Variants in SPAG16 observed in about 807,000 individuals in gnomAD.
SPAG16 encodes sperm-associated antigen 16 protein.
SPAG16 carries 86 observed loss-of-function variants against 80.4 expected under a neutral mutation model. The observed-to-expected ratio is 1.07, with a 90% CI of 0.90 to 1.28. SPAG16 has a LOEUF of 1.28. SPAG16 is among the 50% of genes most tolerant of loss of function. The pLI is 0.00. For missense variants in SPAG16, 870 were observed against 765.3 expected, an observed-to-expected ratio of 1.14 and a Z score of -1.61; for synonymous variants, 294 against 265.9, an observed-to-expected ratio of 1.11 and a Z score of -1.03.
At chr2:214,131,176 A>G (rs546445879) in intron 14 of SPAG16, among the ~76,000 whole-genome samples, 47 of 152,190 alleles carry the variant, frequency 3.1e-4, no homozygotes, top group African/African-American at 9.9e-4. Flanking sequence ...GAGTTTGACA[A>G]CAGTCTGAGA....
intron 4 of SPAG16, among the ~76,000 whole-genome samples, chr2:213,315,045 T>G (rs1420677489): frequency 2.0e-5 from 3 of 151,960 alleles, no homozygotes; most frequent in Admixed American, 2.0e-4. Context: ...ATTATTATGA[T>G]TTATAATATG....
In SPAG16 at chr2:214,165,224, CTAT is replaced by C. The variant is rs375125013; in HGVS notation, c.1720+15962_1720+15964del. ...AAAAGTTTGCATTTTAGGGGGAAAA[CTAT>C]TATATCAGTGAGAATTTTGGAGTAT... On this transcript the variant is annotated intron_variant, in intron 15 of 15. Coordinates refer to ENST00000331683, the MANE Select transcript of SPAG16 (RefSeq NM_024532.5). Among the ~76,000 whole-genome samples, 57 of 152,042 alleles carry C rather than the reference CTAT, an allele frequency of 3.7e-4. No individual in the cohort carries two copies. The East Asian group carries it at 8.5e-3, about 23-fold the overall frequency.
intron 15 of SPAG16, among the ~76,000 whole-genome samples, chr2:214,339,133 A>G (rs1159709525): frequency 6.6e-6 from 1 of 152,236 alleles, no homozygotes; most frequent in African/African-American, 2.4e-5. Flanking sequence ...GTTAGATTTA[A>G]GTAAGGTGCT....
At chr2:213,974,435 A>G (rs921858561) in intron 12 of SPAG16, among the ~76,000 whole-genome samples, 10 of 152,022 alleles carry the variant, frequency 6.6e-5, no homozygotes, top group African/African-American at 2.2e-4. Context: ...TCTAACCATT[A>G]TGACACCTAA....
chr2:213,728,063 G>T (rs1327855546), intron 10 of SPAG16, among the ~76,000 whole-genome samples: 2 of 152,062 alleles, frequency 1.3e-5, no homozygotes, highest in African/African-American at 4.8e-5. Flanking sequence ...TGGTCAGGCT[G>T]GTCTCAAACT....
intron 13 of SPAG16, among the ~76,000 whole-genome samples, chr2:214,028,799 G>A (rs188391755): frequency 6.6e-5 from 10 of 152,070 alleles, no homozygotes; most frequent in Admixed American, 4.6e-4. Context: ...GTGTGTGCAC[G>A]CATGTGTATG....
At chr2:213,763,789 C>T (rs927164352) in intron 10 of SPAG16, among the ~76,000 whole-genome samples, 2 of 152,130 alleles carry the variant, frequency 1.3e-5, no homozygotes, top group South Asian at 2.1e-4. Context: ...TCTGGATGAC[C>T]GTCTTGCTCT....
At chr2:213,841,061 G>A (rs2074339412) in intron 10 of SPAG16, among the ~76,000 whole-genome samples, 1 of 152,106 alleles carries the variant, frequency 6.6e-6, no homozygotes, top group African/African-American at 2.4e-5. Flanking sequence ...TAGGCATATA[G>A]CATTTCTATT....
chr2:213,880,489 C>A (rs1162709879), intron 11 of SPAG16, among the ~76,000 whole-genome samples: 1 of 152,108 alleles, frequency 6.6e-6, no homozygotes, highest in Non-Finnish European at 1.5e-5. Context: ...TTAGGTCTCA[C>A]TTGTCAATTT....
chr2:214,193,782 GAAT>G lies in SPAG16; in HGVS notation c.1720+44519_1720+44521del, dbSNP rs2057745609. Among the ~76,000 whole-genome samples, 4 of 152,108 alleles carry G rather than the reference GAAT, an allele frequency of 2.6e-5. No individual in the cohort carries two copies. In the South Asian group the frequency reaches 8.3e-4, roughly 32 times the overall value. On this transcript the variant is annotated intron_variant, in intron 15 of 15. Transcript: ENST00000331683. ...ACACTTGCTTTGAAAACAAAACAAA[GAAT>G]AAAACCAAGTGAGAAAATGTGGCTA...
At chr2:213,611,829 T>C (rs1353528350) in intron 10 of SPAG16, among the ~76,000 whole-genome samples, 1 of 152,176 alleles carries the variant, frequency 6.6e-6, no homozygotes, top group Non-Finnish European at 1.5e-5. Flanking sequence ...GTTTTACAAT[T>C]GAAACCACAG....
intron 13 of SPAG16, among the ~76,000 whole-genome samples, chr2:214,098,929 T>C (rs1333839174): frequency 6.6e-6 from 1 of 151,846 alleles, no homozygotes; most frequent in Non-Finnish European, 1.5e-5. Context: ...TTTTGCCAGT[T>C]ACAGAAGTAG....
chr2:214,345,122 C>A (rs994259701), intron 15 of SPAG16, among the ~76,000 whole-genome samples: 2 of 152,126 alleles, frequency 1.3e-5, no homozygotes, highest in Non-Finnish European at 2.9e-5. Flanking sequence ...GACTACTGAA[C>A]CCGGTATCCC....
chr2:213,896,584 ACACACACG>A (rs1183032122), intron 11 of SPAG16, among the ~76,000 whole-genome samples: 14 of 73,156 alleles, frequency 1.9e-4, no homozygotes, highest in East Asian at 6.6e-4. Flanking sequence ...ATATATACAC[ACACACACG>A]CACACACACA....
At chr2:214,000,401 G>C (rs900274910) in intron 12 of SPAG16, among the ~76,000 whole-genome samples, 1 of 152,122 alleles carries the variant, frequency 6.6e-6, no homozygotes, top group Non-Finnish European at 1.5e-5. Context: ...GGAACTGTAA[G>C]TCCAATGAAA....
intron 4 of SPAG16, among the ~76,000 whole-genome samples, chr2:213,315,623 C>T (rs1351644939): frequency 6.6e-6 from 1 of 151,926 alleles, no homozygotes; most frequent in Non-Finnish European, 1.5e-5. Flanking sequence ...AAGTTTGTTG[C>T]CACTTCCTCA....
At chr2:214,233,040 CT>C (rs917413301) in intron 15 of SPAG16, among the ~76,000 whole-genome samples, 48 of 152,042 alleles carry the variant, frequency 3.2e-4, no homozygotes, top group Admixed American at 3.0e-3. Flanking sequence ...TCCTATGATT[CT>C]TTTTTATAAA....
intron 5 of SPAG16, among the ~76,000 whole-genome samples, chr2:213,327,742 C>G (rs535391266): frequency 1.3e-5 from 2 of 152,058 alleles, no homozygotes; most frequent in Admixed American, 1.3e-4. Flanking sequence ...ATTCACATAT[C>G]CTAATATTTT....
rs183920728 is a variant in SPAG16, at chr2:213,824,389, T to A, written c.1071-38096T>A. Reference sequence around the variant, plus strand: ...CATAGTTTGAGGTCTTAGGTTTAAGTCTTTAACCCATTTATATTGATTTTT... The same window carrying A: ...CATAGTTTGAGGTCTTAGGTTTAAGACTTTAACCCATTTATATTGATTTTT... On this transcript the variant is annotated intron_variant, in intron 10 of 15. Transcript: ENST00000331683. Among the ~76,000 whole-genome samples the A allele has an allele frequency of 5.1e-3, 777 of 152,314 alleles. 5 individuals carry two copies. The highest frequency in any genetic ancestry group is 0.021 in the South Asian group (102 of 4,828).
Sources: allele counts gnomAD v4.1 joint callset (sites outside exome capture counted in the v4.1 genomes callset), GRCh38; gene constraint gnomAD v4.1.1; transcripts MANE v1.5; gene names NCBI Gene and HGNC (gene_info 2026-07-23, HGNC 2026-07-21).